Variants in CHST11 observed in about 807,000 individuals in gnomAD.
CHST11 encodes the protein C4S-1.
Under a neutral mutation model 30.4 loss-of-function variants are expected in CHST11, and 9 were observed. That is an observed-to-expected ratio of 0.30 (90% CI 0.18 to 0.52). The LOEUF is 0.52. CHST11 is among the 20% of genes least tolerant of loss of function. The probability of loss-of-function intolerance (pLI) is 0.97; values close to 1 mark genes in which losing one functional copy is unlikely to be tolerated. For missense variants in CHST11, 348 were observed against 460.6 expected, an observed-to-expected ratio of 0.76 and a Z score of 2.24; for synonymous variants, 152 against 187.8, an observed-to-expected ratio of 0.81 and a Z score of 1.56.
chr12:104,614,633 A>G (rs2039090881), intron 2 of CHST11, among the ~76,000 whole-genome samples: 1 of 151,536 alleles, frequency 6.6e-6, no homozygotes, highest in South Asian at 2.1e-4. Flanking sequence ...AGGCATGTGT[A>G]TGTGTGTGTG....
intron 1 of CHST11, among the ~76,000 whole-genome samples, chr12:104,562,420 C>T (rs958017141): frequency 6.6e-6 from 1 of 152,156 alleles, no homozygotes; most frequent in African/African-American, 2.4e-5. Context: ...ACCTGAGTTA[C>T]TCTGGTAGGA....
intron 1 of CHST11, among the ~76,000 whole-genome samples, chr12:104,509,231 C>G (rs2037938563): frequency 6.6e-6 from 1 of 152,192 alleles, no homozygotes; most frequent in African/African-American, 2.4e-5. Context: ...CAATCTCTCT[C>G]TTTGCCTGCT....
intron 1 of CHST11, chr12:104,514,036 C>T (rs1341949270): frequency 8.1e-6 from 7 of 864,776 alleles, no homozygotes; most frequent in Non-Finnish European, 1.4e-5. Flanking sequence ...AAAATGCAGA[C>T]CCCCGGGGCA....
intron 2 of CHST11, among the ~76,000 whole-genome samples, chr12:104,661,449 C>T (rs142144769): frequency 5.3e-5 from 8 of 152,230 alleles, no homozygotes; most frequent in African/African-American, 1.4e-4. Context: ...GTGGTATGCA[C>T]CTGTAGTCCC....
chr12:104,727,651 C>T (rs767327034), intron 2 of CHST11, among the ~76,000 whole-genome samples: 10 of 152,146 alleles, frequency 6.6e-5, no homozygotes, highest in Admixed American at 2.6e-4. Context: ...ATTTTATAAT[C>T]GAGTATAGAC....
chr12:104,513,130 G>GC (rs2037984292), intron 1 of CHST11, among the ~76,000 whole-genome samples: 1 of 113,730 alleles, frequency 8.8e-6, no homozygotes, highest in African/African-American at 3.7e-5. Flanking sequence ...GACTGGGGGG[G>GC]GGGGGGGTTG....
chr12:104,741,833 G>A (rs1315901744), intron 2 of CHST11, among the ~76,000 whole-genome samples: 2 of 152,160 alleles, frequency 1.3e-5, no homozygotes, highest in Non-Finnish European at 2.9e-5. Flanking sequence ...ATCATCACGG[G>A]GCAGCGATCA....
intron 2 of CHST11, among the ~76,000 whole-genome samples, chr12:104,747,742 C>T (rs934215675): frequency 3.3e-5 from 5 of 152,164 alleles, no homozygotes; most frequent in African/African-American, 1.2e-4. Context: ...AACCCTCAGT[C>T]ACTTAATGCT....
chr12:104,738,706 C>T (rs989365058), intron 2 of CHST11, among the ~76,000 whole-genome samples: 22 of 152,332 alleles, frequency 1.4e-4, no homozygotes, highest in Admixed American at 6.5e-4. Flanking sequence ...GGAGAAAGCC[C>T]GGACCTCATA....
chr12:104,618,528 C>T (rs1382104318), intron 2 of CHST11, among the ~76,000 whole-genome samples: 2 of 152,144 alleles, frequency 1.3e-5, no homozygotes, highest in African/African-American at 4.8e-5. Flanking sequence ...AGCCACTGCA[C>T]CTAGCCAAGT....
At chr12:104,588,538 G>A (rs1197741260) in intron 1 of CHST11, among the ~76,000 whole-genome samples, 1 of 152,186 alleles carries the variant, frequency 6.6e-6, no homozygotes, top group Non-Finnish European at 1.5e-5. Flanking sequence ...TGCCGCCAAA[G>A]ACCAGACCCA....
At chr12:104,574,004 G>A (rs1047635619) in intron 1 of CHST11, among the ~76,000 whole-genome samples, 2 of 152,046 alleles carry the variant, frequency 1.3e-5, no homozygotes, top group East Asian at 1.9e-4. Flanking sequence ...GAACTCAAAC[G>A]AATTTACAAG....
chr12:104,457,653 G>C, intron 1 of CHST11, 124 bp downstream of exon 1: 1 of 743,224 alleles, frequency 1.3e-6, no homozygotes, highest in Non-Finnish European at 2.4e-6. Flanking sequence ...GGGGCTCCTG[G>C]CTGCCCAGAG....
intron 1 of CHST11, among the ~76,000 whole-genome samples, chr12:104,546,486 A>T (rs887593053): frequency 6.6e-5 from 10 of 151,546 alleles, no homozygotes; most frequent in Admixed American, 5.9e-4. Context: ...AAAAGATTTA[A>T]ATTTCCCTTT....
intron 2 of CHST11, among the ~76,000 whole-genome samples, chr12:104,715,235 G>A (rs1261198761): frequency 2.0e-5 from 3 of 152,034 alleles, no homozygotes; most frequent in Non-Finnish European, 4.4e-5. Flanking sequence ...TTAGCTGGAT[G>A]TGGTGGTCGG....
chr12:104,750,489 C>T (rs147261984), intron 2 of CHST11, among the ~76,000 whole-genome samples: 4,139 of 120,212 alleles, frequency 0.034, 252 homozygotes, highest in African/African-American at 0.13. Context: ...TCACCCAGGC[C>T]GGAGTGCAAT....
chr12:104,517,514 C>T (rs1044704472), intron 1 of CHST11, among the ~76,000 whole-genome samples: 2 of 152,094 alleles, frequency 1.3e-5, no homozygotes, highest in African/African-American at 4.8e-5. Context: ...TGTGGAATTC[C>T]CTGGGGTTGG....
intron 1 of CHST11, among the ~76,000 whole-genome samples, chr12:104,578,355 G>T (rs1053427906): frequency 6.6e-6 from 1 of 152,170 alleles, no homozygotes; most frequent in Non-Finnish European, 1.5e-5. Flanking sequence ...TTCCTGAATT[G>T]AATATTCTTC....
At chr12:104,585,430 A>C (rs186570988) in intron 1 of CHST11, among the ~76,000 whole-genome samples, 1 of 152,360 alleles carries the variant, frequency 6.6e-6, no homozygotes, top group East Asian at 1.9e-4. Context: ...GATACTCTCA[A>C]ATAATTAGAA....
Sources: allele counts gnomAD v4.1 joint callset (sites outside exome capture counted in the v4.1 genomes callset), GRCh38; gene constraint gnomAD v4.1.1; transcripts MANE v1.5; gene names NCBI Gene and HGNC (gene_info 2026-07-23, HGNC 2026-07-21).